The following PPFIA2 variants were observed in gnomAD, a reference collection of about 807,000 sequenced individuals.
The protein encoded by PPFIA2 is PPFI scaffold protein A2.
A neutral mutation model predicts 175.5 loss-of-function variants in PPFIA2; 46 were observed. That is an observed-to-expected ratio of 0.26 (90% CI 0.21 to 0.34). The LOEUF is 0.34. Among genes scored for constraint, PPFIA2 ranks in the 10% least tolerant of loss-of-function variants. PPFIA2 has a pLI of 1.00. For synonymous variants in PPFIA2, 568 were observed against 511.4 expected, an observed-to-expected ratio of 1.11 and a Z score of -1.49; for missense variants, 1,179 against 1,506.1, an observed-to-expected ratio of 0.78 and a Z score of 3.60.
intron 7 of PPFIA2, among the ~76,000 whole-genome samples, chr12:81,420,665 C>T (rs2046078379): frequency 6.6e-6 from 1 of 151,756 alleles, no homozygotes; most frequent in Non-Finnish European, 1.5e-5. Context: ...CCTATCATAT[C>T]TATGGAACAC....
At position 81,460,835 on chromosome 12, in the gene PPFIA2, C is replaced by T. The variant is rs890771353; in HGVS notation, c.304-2969G>A. 3.9e-5 allele frequency among the ~76,000 whole-genome samples: 6 copies of T among 152,170 alleles called. No individual in the cohort carries two copies. In the East Asian group the frequency reaches 1.2e-3, roughly 29 times the overall value. The stretch of plus-strand genomic sequence containing the variant: ...CCTAATAACACACCTTAAGAAACTA[C>T]TAAAATCTCACTGAGGCCTAGAGAA... On this transcript the variant is annotated intron_variant, in intron 4 of 32. Transcript: ENST00000549396.
chr12:81,521,819 CAAA>C (rs958600445), intron 4 of PPFIA2, among the ~76,000 whole-genome samples: 1 of 105,636 alleles, frequency 9.5e-6, no homozygotes, highest in Admixed American at 9.5e-5. Context: ...CTCCATCTCA[CAAA>C]AAAAAAAAAA....
At chr12:81,694,901 C>T (rs186820282) in intron 3 of PPFIA2, among the ~76,000 whole-genome samples, 284 of 152,220 alleles carry the variant, frequency 1.9e-3, no homozygotes, top group African/African-American at 6.5e-3. Context: ...ATATGGGATA[C>T]GGAATAAAGA....
rs758638282 is a variant in PPFIA2 at position 81,384,128 on chromosome 12, G to A, written c.879C>T (p.Ala293=). 1.4e-5 allele frequency: 22 copies of A among 1,612,818 alleles called. No individual in the cohort carries two copies. Among genetic ancestry groups the A allele is most frequent in the Admixed American group, 1.0e-4 (6 of 59,824 alleles). ...EMAQMKERLA[A]LSSRVGEVEQ... ...CCACCTCTCCCACTCGGGAAGAAAG[G>A]GCTGCTAAACGTTCTTTCATCTGGG... Residue 293 remains alanine, a synonymous_variant, in exon 9 of 33, where the codon GCC becomes GCT. Transcript: ENST00000549396.
intron 4 of PPFIA2, among the ~76,000 whole-genome samples, chr12:81,674,497 G>A (rs1383846958): frequency 6.6e-6 from 1 of 151,962 alleles, no homozygotes; most frequent in Non-Finnish European, 1.5e-5. Flanking sequence ...GTGAAACCCT[G>A]TATCTACTAG....
Position 81,341,059 on chromosome 12 carries a change from T to C in PPFIA2, c.2393+19A>G. On this transcript the variant is annotated intron_variant, in intron 20 of 32. Coordinates refer to ENST00000549396, the MANE Select transcript of PPFIA2 (RefSeq NM_003625.5). ...TGGAAGGAGGGCATTCAGTGTGCAG[T>C]GTGCCTGCAGAGTCTTACCTTCGAG... The C allele has an allele frequency of 7.5e-6, 12 of 1,596,362 alleles. No homozygotes were observed. The highest frequency in any genetic ancestry group is 1.0e-5 in the Non-Finnish European group (12 of 1,166,872).
intron 4 of PPFIA2, among the ~76,000 whole-genome samples, chr12:81,670,831 T>A (rs1752697170): frequency 6.6e-6 from 1 of 151,994 alleles, no homozygotes; most frequent in Non-Finnish European, 1.5e-5. Flanking sequence ...TTGGCATTAA[T>A]GATTCTCACA....
chr12:81,356,126 T>C (rs957136771), intron 16 of PPFIA2, among the ~76,000 whole-genome samples: 7 of 152,164 alleles, frequency 4.6e-5, no homozygotes, highest in Non-Finnish European at 1.0e-4. Context: ...CTTAAGGCTA[T>C]TGTAGGGTTA....
intron 4 of PPFIA2, among the ~76,000 whole-genome samples, chr12:81,566,530 C>CAAAAAAAAAAAAAAAAAACA (rs2071329620): frequency 1.5e-5 from 1 of 68,456 alleles, no homozygotes; most frequent in East Asian, 4.2e-4. Flanking sequence ...GACTCCAACT[C>CAAAAAAAAAAAAAAAAAACA]AAAAAAAAAA....
chr12:81,348,424 A>C (rs2059436741), intron 17 of PPFIA2, among the ~76,000 whole-genome samples: 1 of 152,144 alleles, frequency 6.6e-6, no homozygotes. Flanking sequence ...TGAATACATA[A>C]ATAATGAAAA....
At chr12:81,426,107 T>G (rs2047094093) in intron 7 of PPFIA2, among the ~76,000 whole-genome samples, 1 of 152,170 alleles carries the variant, frequency 6.6e-6, no homozygotes, top group South Asian at 2.1e-4. Context: ...TTTAGGGAGC[T>G]TTCTCTCCCA....
intron 18 of PPFIA2, among the ~76,000 whole-genome samples, chr12:81,346,171 G>T (rs1032142372): frequency 1.3e-5 from 2 of 152,134 alleles, no homozygotes; most frequent in East Asian, 1.9e-4. Flanking sequence ...TCCATAAACA[G>T]TTCAGAATGT....
chr12:81,567,328 C>A (rs981078570), intron 4 of PPFIA2, among the ~76,000 whole-genome samples: 1 of 152,174 alleles, frequency 6.6e-6, no homozygotes, highest in African/African-American at 2.4e-5. Context: ...GGATTACAGG[C>A]GTGATCCACT....
chr12:81,699,635 T>C (rs1394485987), intron 3 of PPFIA2, among the ~76,000 whole-genome samples: 3 of 152,032 alleles, frequency 2.0e-5, no homozygotes, highest in Admixed American at 2.0e-4. Flanking sequence ...AAAAAACAAA[T>C]TATTGCATTC....
intron 4 of PPFIA2, among the ~76,000 whole-genome samples, chr12:81,600,249 A>C (rs2059653548): frequency 6.6e-6 from 1 of 151,820 alleles, no homozygotes; most frequent in Non-Finnish European, 1.5e-5. Context: ...AACAGTATAG[A>C]CTCATGTATA....
At chr12:81,700,441 T>A (rs1485026270) in intron 3 of PPFIA2, among the ~76,000 whole-genome samples, 4 of 152,080 alleles carry the variant, frequency 2.6e-5, no homozygotes, top group Non-Finnish European at 5.9e-5. Context: ...AAATATAAAA[T>A]CTGTCATAAC....
At chr12:81,503,006 G>T (rs964753934) in intron 4 of PPFIA2, among the ~76,000 whole-genome samples, 8 of 151,984 alleles carry the variant, frequency 5.3e-5, no homozygotes, top group Non-Finnish European at 1.0e-4. Context: ...AAGAGAAAGA[G>T]AATTCAACTT....
chr12:81,709,624 T>A (rs902573197), intron 3 of PPFIA2, among the ~76,000 whole-genome samples: 1 of 152,214 alleles, frequency 6.6e-6, no homozygotes, highest in Non-Finnish European at 1.5e-5. Flanking sequence ...TTTTTTCTAT[T>A]AAAAATATAT....
At chr12:81,631,581 T>C (rs2063392376) in intron 4 of PPFIA2, among the ~76,000 whole-genome samples, 1 of 152,184 alleles carries the variant, frequency 6.6e-6, no homozygotes, top group African/African-American at 2.4e-5. Context: ...ACGTTTTTCA[T>C]TCTATTAAAA....
Sources: allele counts gnomAD v4.1 joint callset (sites outside exome capture counted in the v4.1 genomes callset), GRCh38; gene constraint gnomAD v4.1.1; transcripts MANE v1.5; gene names NCBI Gene and HGNC (gene_info 2026-07-23, HGNC 2026-07-21).